Variants in ANAPC1 observed in about 807,000 individuals in gnomAD.
The protein encoded by ANAPC1 is anaphase promoting complex subunit 1.
ANAPC1 carries 36 observed loss-of-function variants against 208.0 expected under a neutral mutation model. The observed-to-expected ratio is 0.17, with a 90% CI of 0.13 to 0.23. The LOEUF is 0.23. ANAPC1 is among the 10% of genes least tolerant of loss of function. ANAPC1 has a pLI of 1.00. For synonymous variants in ANAPC1, 378 were observed against 695.2 expected, an observed-to-expected ratio of 0.54 and a Z score of 7.18; for missense variants, 942 against 2,011.6, an observed-to-expected ratio of 0.47 and a Z score of 10.17.
At chr2:111,815,695 T>A in intron 27 of ANAPC1, 54 bp from the exon 28 acceptor site, 1 of 162,560 alleles carries the variant, frequency 6.2e-6, no homozygotes, top group Non-Finnish European at 1.2e-5. Flanking sequence ...AAACCAAGAT[T>A]GTTAAATTTA....
intron 33 of ANAPC1, among the ~76,000 whole-genome samples, chr2:111,801,918 TAGAG>T (rs1678463991): frequency 6.6e-6 from 1 of 151,880 alleles, no homozygotes; most frequent in South Asian, 2.1e-4. Flanking sequence ...AAAAAAGAAT[TAGAG>T]GGAAAATTTT....
chr2:111,861,127 G>A (rs1295931684), intron 10 of ANAPC1, among the ~76,000 whole-genome samples: 2 of 152,166 alleles, frequency 1.3e-5, no homozygotes, highest in Non-Finnish European at 1.5e-5. Context: ...CCAAGCTGGA[G>A]TGCAGTAGTG....
In ANAPC1 at chr2:111,880,632, G is replaced by A; in HGVS notation, c.194C>T (p.Thr65Ile). The A allele has an allele frequency of 6.2e-7, 1 of 1,611,960 alleles. No individual in the cohort carries two copies. ...AGLVGSLQEV[T>I]IHEKQKESWQ... ...TGGAACCTTCTGTTTCTCGTGGATTGTAACCTCCTGAAGGGATCCCACCAA... is the reference window on the plus strand; with the variant it reads ...TGGAACCTTCTGTTTCTCGTGGATTATAACCTCCTGAAGGGATCCCACCAA... Residue 65 changes from threonine to isoleucine, a missense_variant, in exon 2 of 48, where the codon ACA becomes ATA. By Grantham distance (89) the Thr-to-Ile change is moderately conservative. Transcript: ENST00000341068.
chr2:111,831,256 G>A, intron 21 of ANAPC1, 30 bp downstream of exon 21: 1 of 1,558,794 alleles, frequency 6.4e-7, no homozygotes, highest in Non-Finnish European at 8.6e-7. Context: ...AAAGAAAAAG[G>A]AGATAGGTAG....
At chr2:111,825,687 A>C in intron 22 of ANAPC1, 90 bp downstream of exon 22, 3 of 1,372,794 alleles carry the variant, frequency 2.2e-6, no homozygotes, top group South Asian at 2.6e-5. Context: ...ATGGCCGCCA[A>C]AGCAAACAAG....
intron 38 of ANAPC1, among the ~76,000 whole-genome samples, chr2:111,790,927 C>G (rs889659119): frequency 3.3e-5 from 5 of 152,152 alleles, no homozygotes; most frequent in African/African-American, 1.2e-4. Flanking sequence ...GAGGGGCAAA[C>G]AGGGAGTTGT....
At chr2:111,816,725 C>T (rs969707002) in intron 27 of ANAPC1, among the ~76,000 whole-genome samples, 1 of 140,416 alleles carries the variant, frequency 7.1e-6, no homozygotes, top group African/African-American at 2.7e-5. Context: ...TTAAAAATAC[C>T]ATTTTTAAAG....
intron 17 of ANAPC1, among the ~76,000 whole-genome samples, chr2:111,839,266 T>C (rs1038417425): frequency 1.8e-4 from 27 of 152,258 alleles, no homozygotes; most frequent in Non-Finnish European, 3.2e-4. Flanking sequence ...CCCTGTTATG[T>C]AAGCAAGACA....
intron 20 of ANAPC1, among the ~76,000 whole-genome samples, chr2:111,831,961 G>A (rs962384338): frequency 6.7e-6 from 1 of 148,160 alleles, no homozygotes; most frequent in African/African-American, 2.5e-5. Context: ...CACCCTGGAT[G>A]GAAATTTAGC....
In ANAPC1 at chr2:111,856,556, T is replaced by C; in HGVS notation, c.1515+58A>G. ...TATCAATCTAAAGTAACATTACAAA[T>C]ATTCATGCAGGCAGCCTGAAGTCCT... On this transcript the variant is annotated intron_variant, in intron 13 of 47. Coordinates refer to ENST00000341068, the MANE Select transcript of ANAPC1 (RefSeq NM_022662.4). The C allele has an allele frequency of 4.8e-6, 7 of 1,460,196 alleles. No homozygotes were observed. The South Asian group carries it at 7.1e-5, about 15-fold the overall frequency. The allele number at this position is 1,460,196 out of a possible 1,614,324, so 90.5% of individuals were successfully genotyped here.
intron 44 of ANAPC1, chr2:111,779,841 G>A (rs1486394071): frequency 4.2e-6 from 1 of 235,392 alleles, no homozygotes; most frequent in Non-Finnish European, 8.3e-6. Context: ...AACCGACCCT[G>A]TCTCAAAAAA....
intron 3 of ANAPC1, among the ~76,000 whole-genome samples, chr2:111,878,212 C>T (rs543060431): frequency 1.5e-3 from 229 of 152,326 alleles, no homozygotes; most frequent in Non-Finnish European, 2.7e-3. Context: ...CTGGAGGTTA[C>T]AAAATGGTGA....
intron 34 of ANAPC1, among the ~76,000 whole-genome samples, chr2:111,795,251 G>A (rs1391278244): frequency 6.6e-6 from 1 of 152,030 alleles, no homozygotes; most frequent in Non-Finnish European, 1.5e-5. Flanking sequence ...GCGTGGTGGC[G>A]CACGCCTGTA....
chr2:111,834,957 C>T (rs1680385402), intron 18 of ANAPC1, 85 bp from the exon 19 acceptor site: 2 of 1,172,620 alleles, frequency 1.7e-6, no homozygotes, highest in Admixed American at 3.8e-5. Context: ...TAAAACAATT[C>T]AAGTTTCATT....
chr2:111,852,834 T>C (rs1681480301), intron 13 of ANAPC1, among the ~76,000 whole-genome samples: 1 of 151,818 alleles, frequency 6.6e-6, no homozygotes, highest in Non-Finnish European at 1.5e-5. Flanking sequence ...CATAAAAAGT[T>C]TGCCAGGCTT....
At chr2:111,802,877 T>C (rs1678508191) in intron 32 of ANAPC1, 1 of 227,718 alleles carries the variant, frequency 4.4e-6, no homozygotes, top group African/African-American at 3.5e-5. Context: ...TCCTTGAATC[T>C]TAGAATTTGT....
intron 3 of ANAPC1, 21 bp downstream of exon 3, chr2:111,878,789 C>T (rs1458739182): frequency 1.9e-6 from 3 of 1,587,102 alleles, no homozygotes; most frequent in Non-Finnish European, 2.6e-6. Context: ...GAATCAAATG[C>T]TAAAATTCAA....
At chr2:111,868,221 A>G (rs1417346988) in intron 6 of ANAPC1, 125 bp from the exon 7 acceptor site, 1 of 550,582 alleles carries the variant, frequency 1.8e-6, no homozygotes, top group Non-Finnish European at 3.2e-6. Context: ...CTCAAAATGC[A>G]ATCTTCTAAA....
At chr2:111,773,326 G>A (rs1443709407) in intron 46 of ANAPC1, among the ~76,000 whole-genome samples, 2 of 152,232 alleles carry the variant, frequency 1.3e-5, no homozygotes, top group Admixed American at 1.3e-4. Flanking sequence ...AGGTGAACAT[G>A]TTACAGCCAT....
Sources: gnomAD v4.1 joint callset for allele counts (sites outside exome capture counted in the v4.1 genomes callset) on GRCh38, gnomAD v4.1.1 for gene constraint, MANE v1.5 for transcripts, NCBI Gene and HGNC (gene_info 2026-07-23, HGNC 2026-07-21) for gene names.